NALCN: variants seen among roughly 807,000 people sequenced by gnomAD.
NALCN encodes sodium leak channel, non-selective.
NALCN carries 111 observed loss-of-function variants against 225.3 expected under a neutral mutation model. The observed-to-expected ratio is 0.49, with a 90% CI of 0.42 to 0.58. The LOEUF is 0.58. Ranked by LOEUF, NALCN falls within the 20% of genes least tolerant of loss-of-function variation. The pLI is 0.00. For synonymous variants in NALCN, 764 were observed against 769.0 expected (o/e 0.99, Z 0.11); for missense variants, 1,378 against 2,202.4 (o/e 0.63, Z 7.49).
At chr13:101,284,408 T>G (rs1422988204) in intron 9 of NALCN, among the ~76,000 whole-genome samples, 1 of 152,240 alleles carries the variant, frequency 6.6e-6, no homozygotes, top group Non-Finnish European at 1.5e-5. Flanking sequence ...GTGTTTTTAC[T>G]ATAGGTTGCA....
At chr13:101,216,591 C>A (rs2040742107) in intron 13 of NALCN, among the ~76,000 whole-genome samples, 1 of 152,058 alleles carries the variant, frequency 6.6e-6, no homozygotes, top group South Asian at 2.1e-4. Context: ...TTAAAGATTT[C>A]AGCAATATTA....
chr13:101,376,696 T>A lies in NALCN; in HGVS notation c.644+4A>T. On this transcript the variant is annotated splice_donor_region_variant and intron_variant, in intron 6 of 43. Coordinates refer to ENST00000251127, the MANE Select transcript of NALCN (RefSeq NM_052867.4). ...ATTAAAATGCAGTTAATAGATAAACTTACCCTGGCTTTGTGTCATTTACAA... is the reference window on the plus strand; with the variant it reads ...ATTAAAATGCAGTTAATAGATAAACATACCCTGGCTTTGTGTCATTTACAA... The A allele has an allele frequency of 6.3e-7, 1 of 1,590,982 alleles. No homozygotes were observed. Among genetic ancestry groups the A allele is most frequent in the East Asian group, 2.2e-5 (1 of 44,742 alleles).
At chr13:101,317,121 T>C (rs953991191) in intron 7 of NALCN, among the ~76,000 whole-genome samples, 1 of 152,188 alleles carries the variant, frequency 6.6e-6, no homozygotes. Context: ...TTTCGAGGGA[T>C]TAAATGGCTA....
chr13:101,244,471 TA>T (rs144842337), intron 11 of NALCN, among the ~76,000 whole-genome samples: 139 of 152,326 alleles, frequency 9.1e-4, no homozygotes, highest in African/African-American at 3.2e-3. Context: ...TGATTATATT[TA>T]AATATCTATA....
At position 101,321,258 on chromosome 13, in the gene NALCN, A is replaced by G. The variant is rs1235127363; in HGVS notation, c.799+24008T>C. On this transcript the variant is annotated intron_variant, in intron 7 of 43. Coordinates refer to ENST00000251127, the MANE Select transcript of NALCN (RefSeq NM_052867.4). Reference sequence around the variant, plus strand: ...ATACCAATATATGTAAGAAAAAGACACACACACAAGTCCAGAAGGAAAATG... The same window carrying G: ...ATACCAATATATGTAAGAAAAAGACGCACACACAAGTCCAGAAGGAAAATG... Among the ~76,000 whole-genome samples the G allele has an allele frequency of 3.3e-5, 5 of 152,158 alleles. No homozygotes were observed. In the East Asian group the frequency reaches 9.6e-4, roughly 29 times the overall value.
intron 11 of NALCN, among the ~76,000 whole-genome samples, chr13:101,247,279 G>T (rs2041924863): frequency 6.6e-6 from 1 of 152,168 alleles, no homozygotes; most frequent in Non-Finnish European, 1.5e-5. Flanking sequence ...CAGCTTATCT[G>T]AAAAATCAGA....
chr13:101,170,003 A>G (rs144777531), intron 15 of NALCN, among the ~76,000 whole-genome samples: 1 of 152,220 alleles, frequency 6.6e-6, no homozygotes, highest in Non-Finnish European at 1.5e-5. Flanking sequence ...GCCGAATGGC[A>G]TCTTCCAGCA....
rs750104281 is a variant in NALCN, at chr13:101,083,212, G to T, written c.3584-14C>A. The T allele has an allele frequency of 1.9e-6, 3 of 1,606,530 alleles. No homozygotes were observed. Among genetic ancestry groups the T allele is most frequent in the Admixed American group, 1.7e-5 (1 of 59,774 alleles). ...AACCATCATTATCTAGAAAAGAAAG[G>T]TTTGGGCAAGGGCATTTTAGACACA... On this transcript the variant is annotated splice_polypyrimidine_tract_variant and intron_variant, in intron 31 of 43. Transcript: ENST00000251127.
At chr13:101,105,676 A>G (rs2035058274) in intron 22 of NALCN, among the ~76,000 whole-genome samples, 1 of 152,190 alleles carries the variant, frequency 6.6e-6, no homozygotes, top group South Asian at 2.1e-4. Flanking sequence ...CAATCTCCAA[A>G]ATGGCATTTT....
chr13:101,087,479 T>TAA (rs57414633), intron 30 of NALCN, among the ~76,000 whole-genome samples: 3,403 of 142,752 alleles, frequency 0.024, 102 homozygotes, highest in African/African-American at 0.071. Flanking sequence ...AGCTGCTTTC[T>TAA]AAAAAAAAAA....
At chr13:101,339,566 T>C (rs547518892) in intron 7 of NALCN, among the ~76,000 whole-genome samples, 2 of 152,186 alleles carry the variant, frequency 1.3e-5, no homozygotes, top group South Asian at 4.1e-4. Context: ...ATAAATCACT[T>C]AGTGCTGGAG....
In NALCN at chr13:101,377,032, C is replaced by T. The variant is rs2046714872; in HGVS notation, c.400G>A (p.Asp134Asn). The T allele has an allele frequency of 3.1e-6, 5 of 1,614,130 alleles. No individual in the cohort carries two copies. The highest frequency in any genetic ancestry group is 1.3e-5 in the African/African-American group (1 of 75,044). ...AACATGCCCCAAGGTGACATCTGAT[C>T]AACTATATCAGCAATTTCAAACACC... The part of the protein sequence containing the change: ...LQVFEIADIV[D>N]QMSPWGMLRI... Residue 134 changes from aspartate (D) to asparagine (N), a missense_variant, in exon 5 of 44, where the codon GAT becomes AAT. Coordinates refer to ENST00000251127, the MANE Select transcript of NALCN (RefSeq NM_052867.4).
chr13:101,291,119 G>A (rs1342087497), intron 9 of NALCN, among the ~76,000 whole-genome samples: 3 of 152,066 alleles, frequency 2.0e-5, no homozygotes, highest in African/African-American at 7.2e-5. Context: ...ATGGTTTTAT[G>A]GAAACAATAT....
intron 14 of NALCN, among the ~76,000 whole-genome samples, chr13:101,178,026 T>C (rs186079521): frequency 6.6e-6 from 1 of 152,300 alleles, no homozygotes; most frequent in Admixed American, 6.5e-5. Context: ...TTTATTAACA[T>C]CACCATGACT....
intron 6 of NALCN, among the ~76,000 whole-genome samples, chr13:101,358,233 C>T (rs1028651210): frequency 6.6e-6 from 1 of 152,068 alleles, no homozygotes; most frequent in Admixed American, 6.5e-5. Flanking sequence ...GCAAAAGAAA[C>T]TATCATCAGA....
At chr13:101,409,206 A>G (rs1228336054) in intron 1 of NALCN, among the ~76,000 whole-genome samples, 1 of 152,132 alleles carries the variant, frequency 6.6e-6, no homozygotes, top group African/African-American at 2.4e-5. Context: ...CATTGCACCT[A>G]CATGCCCAAA....
intron 10 of NALCN, among the ~76,000 whole-genome samples, chr13:101,273,010 T>A (rs1173455479): frequency 1.3e-5 from 2 of 152,234 alleles, no homozygotes; most frequent in East Asian, 3.8e-4. Flanking sequence ...GTTACCTCCC[T>A]CTGTTCCTCA....
At chr13:101,405,758 A>G (rs1464117848) in intron 1 of NALCN, among the ~76,000 whole-genome samples, 1 of 152,222 alleles carries the variant, frequency 6.6e-6, no homozygotes, top group African/African-American at 2.4e-5. Flanking sequence ...TGTTAAAAAC[A>G]GAAGTTGCTG....
At chr13:101,080,646 A>G (rs1161181532) in intron 34 of NALCN, among the ~76,000 whole-genome samples, 1 of 146,240 alleles carries the variant, frequency 6.8e-6, no homozygotes, top group Admixed American at 6.9e-5. Context: ...AAATATATTA[A>G]TATATAATAT....
Sources: allele counts gnomAD v4.1 joint callset (sites outside exome capture counted in the v4.1 genomes callset), GRCh38; gene constraint gnomAD v4.1.1; transcripts MANE v1.5; gene names NCBI Gene and HGNC (gene_info 2026-07-23, HGNC 2026-07-21).